COQ8B: variants seen among roughly 807,000 people sequenced by gnomAD.
COQ8B encodes coenzyme Q8B, also known as atypical kinase COQ8B, mitochondrial.
COQ8B carries 44 observed loss-of-function variants against 62.0 expected under a neutral mutation model. That is an observed-to-expected ratio of 0.71 (90% CI 0.56 to 0.91). The LOEUF is 0.91. COQ8B is among the 40% of genes least tolerant of loss of function. COQ8B has a pLI of 0.00. For missense variants in COQ8B, 649 were observed against 731.6 expected (o/e 0.89, Z 1.30); for synonymous variants, 252 against 289.9 (o/e 0.87, Z 1.33).
rs1241931416 is a variant in COQ8B, at chr19:40,700,327, G to A, written c.1018C>T (p.Gln340Ter). The A allele has an allele frequency of 6.2e-7, 1 of 1,613,950 alleles. No individual in the cohort carries two copies. The highest frequency in any genetic ancestry group is 1.3e-5 in the African/African-American group (1 of 74,940). ...CAGCATACCTGGTTCCGCAGGTCCTGGCTTAGGCCCTGGCACTGGTCCAGG... is the reference window on the plus strand; with the variant it reads ...CAGCATACCTGGTTCCGCAGGTCCTAGCTTAGGCCCTGGCACTGGTCCAGG... ...VPLDQCQGLS[Q>*]DLRNQICFQL... Residue 340 changes from glutamine to a stop codon, truncating the protein, a stop_gained, in exon 11 of 15, where the codon CAG becomes TAG. Coordinates refer to ENST00000324464, the MANE Select transcript of COQ8B (RefSeq NM_024876.4). LOFTEE classifies it high-confidence loss of function.
chr19:40,711,917 G>A (rs2082144707), intron 4 of COQ8B, among the ~76,000 whole-genome samples: 1 of 152,166 alleles, frequency 6.6e-6, no homozygotes, highest in South Asian at 2.1e-4. Context: ...CACAAAGCGA[G>A]GACACAGCAG....
intron 12 of COQ8B, among the ~76,000 whole-genome samples, chr19:40,697,851 T>TAGAGAGAGAGAGAGAGAGAGAG (rs1290386996): frequency 4.0e-4 from 22 of 54,724 alleles, no homozygotes; most frequent in African/African-American, 1.8e-3. Flanking sequence ...TATATATATA[T>TAGAGAGAGAGAGAGAGAGAGAG]AGAGAGAGAG....
At chr19:40,703,676 AG>A in intron 8 of COQ8B, 38 bp downstream of exon 8, 1 of 1,613,882 alleles carries the variant, frequency 6.2e-7, no homozygotes, top group Non-Finnish European at 8.5e-7. Context: ...CTGGGCTAGC[AG>A]GGTGCCCGCC....
At position 40,692,330 on chromosome 19, in the gene COQ8B, TC is replaced by T; in HGVS notation, c.1339del (p.Glu447SerfsTer?). On this transcript the variant is annotated frameshift_variant, in exon 15 of 15. Coordinates refer to ENST00000324464, the MANE Select transcript of COQ8B (RefSeq NM_024876.4). LOFTEE classifies it low-confidence loss of function (END_TRUNC). Reference protein sequence around the residue: ...AHVEAVMILGEPFATQGPYDF... With the variant: ...AHVEAVMILGXPFATQGPYDF... Reference sequence around the variant, plus strand: ...ATAAGGGCCCTGGGTGGCGAAAGGCTCCCCCAGGATCATCACTGCCTCCACG... The same window carrying T: ...ATAAGGGCCCTGGGTGGCGAAAGGCTCCCCAGGATCATCACTGCCTCCACG... The T allele has an allele frequency of 6.2e-7, 1 of 1,613,130 alleles. No homozygotes were observed. Among genetic ancestry groups the T allele is most frequent in the Non-Finnish European group, 8.5e-7 (1 of 1,179,700 alleles).
intron 13 of COQ8B, among the ~76,000 whole-genome samples, chr19:40,695,147 A>G (rs1238275271): frequency 6.6e-6 from 1 of 151,948 alleles, no homozygotes; most frequent in Non-Finnish European, 1.5e-5. Flanking sequence ...GTGAAACCCC[A>G]TCTCTACTAA....
chr19:40,706,446 G>C (rs1207243381), intron 5 of COQ8B, among the ~76,000 whole-genome samples: 1 of 152,184 alleles, frequency 6.6e-6, no homozygotes. Context: ...GTGTACTCTT[G>C]TGTTTTAAAA....
intron 5 of COQ8B, among the ~76,000 whole-genome samples, chr19:40,708,801 T>C (rs1224824777): frequency 6.6e-6 from 1 of 151,880 alleles, no homozygotes; most frequent in Admixed American, 6.6e-5. Flanking sequence ...TGGTGGCACG[T>C]GTCTATAATC....
chr19:40,703,444 ACCCTG>A (rs1487270905), intron 9 of COQ8B, 92 bp downstream of exon 9: 10 of 1,274,236 alleles, frequency 7.8e-6, no homozygotes, highest in Non-Finnish European at 1.1e-5. Context: ...ACGCCAGCAC[ACCCTG>A]CCCGTGCTCT....
At chr19:40,700,704 T>C (rs1221801140) in intron 10 of COQ8B, 2 of 486,026 alleles carry the variant, frequency 4.1e-6, no homozygotes, top group Non-Finnish European at 7.4e-6. Flanking sequence ...CAGTCACCAC[T>C]TCCCTACCCG....
At chr19:40,705,510 G>T in intron 5 of COQ8B, 63 bp from the exon 6 acceptor site, 1 of 1,482,102 alleles carries the variant, frequency 6.7e-7, no homozygotes, top group South Asian at 1.4e-5. Flanking sequence ...CAGGCCCGGC[G>T]GCCCACGCCT....
At chr19:40,699,400 C>G (rs973834121) in intron 12 of COQ8B, among the ~76,000 whole-genome samples, 2 of 152,086 alleles carry the variant, frequency 1.3e-5, no homozygotes, top group East Asian at 1.9e-4. Flanking sequence ...GTGCCTCCCC[C>G]ATCCCGGTCC....
intron 12 of COQ8B, among the ~76,000 whole-genome samples, chr19:40,697,008 G>A (rs894119708): frequency 2.0e-4 from 30 of 152,270 alleles, no homozygotes; most frequent in African/African-American, 6.3e-4. Flanking sequence ...ACTTCGTTGC[G>A]TGAATCTATC....
intron 10 of COQ8B, 98 bp downstream of exon 10, chr19:40,702,502 C>T (rs1392621867): frequency 2.7e-6 from 3 of 1,126,736 alleles, no homozygotes; most frequent in Non-Finnish European, 4.0e-6. Context: ...AGAGTTTGCC[C>T]TACCCCACAG....
intron 5 of COQ8B, among the ~76,000 whole-genome samples, chr19:40,705,810 G>GTC (rs765946079): frequency 6.6e-6 from 1 of 151,798 alleles, no homozygotes; most frequent in Non-Finnish European, 1.5e-5. Context: ...TGTGCCTGTA[G>GTC]TCCCAGCTAC....
rs373509725 is a variant in COQ8B, at chr19:40,710,402, C to T, written c.290-266G>A. On this transcript the variant is annotated intron_variant, in intron 4 of 14. Transcript: ENST00000324464. Reference sequence around the variant, plus strand: ...TGGGATTACAGGCACGCGCCCACCACGCCTGGCTAAATTTTTTTTGTATTT... The same window carrying T: ...TGGGATTACAGGCACGCGCCCACCATGCCTGGCTAAATTTTTTTTGTATTT... Among the ~76,000 whole-genome samples the T allele has an allele frequency of 3.6e-4, 55 of 152,238 alleles. No homozygotes were observed. The East Asian group carries it at 7.3e-3, about 20-fold the overall frequency.
At chr19:40,709,798 C>T (rs1017643107) in intron 5 of COQ8B, among the ~76,000 whole-genome samples, 3 of 151,898 alleles carry the variant, frequency 2.0e-5, no homozygotes, top group Non-Finnish European at 2.9e-5. Flanking sequence ...GCCAAGACTG[C>T]GCCATTGTAC....
At position 40,703,727 on chromosome 19, in the gene COQ8B, G is replaced by C; in HGVS notation, c.705C>G (p.Ala235=). 1 of 1,613,996 alleles carries C rather than the reference G, an allele frequency of 6.2e-7. No homozygotes were observed. The highest frequency in any genetic ancestry group is 8.5e-7 in the Non-Finnish European group (1 of 1,179,976). The stretch of plus-strand genomic sequence containing the variant: ...CCTCCCCTCTCACCTGGATCTTCAC[G>C]GCCACCTCCGTCCCGTCCCTCAGCA... ...QGLLRDGTEV[A]VKIQYPGIAQ... Residue 235 remains alanine, a synonymous_variant, in exon 8 of 15, where the codon GCC becomes GCG. Coordinates refer to ENST00000324464, the MANE Select transcript of COQ8B (RefSeq NM_024876.4).
rs528702214 is a variant in COQ8B at position 40,716,126 on chromosome 19, A to G, written c.-4+461T>C. On this transcript the variant is annotated intron_variant, in intron 1 of 14. Transcript: ENST00000324464. ...GGACTTCTCCTTCCCAACCTGTATG[A>G]GGTACTAGGTGGGCTCCTGCCTTCG... Among the ~76,000 whole-genome samples the G allele has an allele frequency of 2.6e-5, 4 of 152,070 alleles. No individual in the cohort carries two copies. The East Asian group carries it at 7.8e-4, about 29-fold the overall frequency.
At chr19:40,712,784 G>C (rs141626255) in intron 4 of COQ8B, among the ~76,000 whole-genome samples, 1 of 152,128 alleles carries the variant, frequency 6.6e-6, no homozygotes, top group African/African-American at 2.4e-5. Flanking sequence ...TGACTTGCAC[G>C]ACATCCGGCT....
Sources: allele counts gnomAD v4.1 joint callset (sites outside exome capture counted in the v4.1 genomes callset), GRCh38; gene constraint gnomAD v4.1.1; transcripts MANE v1.5; gene names NCBI Gene and HGNC (gene_info 2026-07-23, HGNC 2026-07-21).